PALM2AKAP2: variants seen among roughly 807,000 people sequenced by gnomAD.
The protein encoded by PALM2AKAP2 is PALM2 and AKAP2 fusion.
PALM2AKAP2 carries 37 observed loss-of-function variants against 71.5 expected under a neutral mutation model. The observed-to-expected ratio is 0.52, with a 90% CI of 0.40 to 0.68. The LOEUF is 0.68. Ranked by LOEUF, PALM2AKAP2 falls within the 30% of genes least tolerant of loss-of-function variation. The pLI, the probability that PALM2AKAP2 is intolerant of heterozygous loss-of-function variation, is 0.00. For synonymous variants in PALM2AKAP2, 468 were observed against 478.8 expected, an observed-to-expected ratio of 0.98 and a Z score of 0.29; for missense variants, 1,224 against 1,191.8, an observed-to-expected ratio of 1.03 and a Z score of -0.40.
intron 6 of PALM2AKAP2, among the ~76,000 whole-genome samples, chr9:109,980,340 T>C (rs901900587): frequency 1.3e-5 from 2 of 152,152 alleles, no homozygotes; most frequent in Non-Finnish European, 2.9e-5. Flanking sequence ...GACCTCCAAA[T>C]GCATCCTAAA....
intron 7 of PALM2AKAP2, among the ~76,000 whole-genome samples, chr9:110,034,838 C>T (rs186072231): frequency 1.0e-3 from 151 of 151,386 alleles, no homozygotes; most frequent in Middle Eastern, 3.4e-3. Context: ...CTCCTGACCT[C>T]GTGAACTGCC....
chr9:109,871,580 A>G (rs1279868977), intron 2 of PALM2AKAP2, among the ~76,000 whole-genome samples: 3 of 152,184 alleles, frequency 2.0e-5, no homozygotes, highest in Admixed American at 1.3e-4. Flanking sequence ...TACCATTCAG[A>G]TAGAACCCAT....
At position 109,998,078 on chromosome 9, in the gene PALM2AKAP2, G is replaced by C. The variant is rs75774065; in HGVS notation, c.497-17876G>C. Among the ~76,000 whole-genome samples the C allele has an allele frequency of 9.4e-3, 1,425 of 152,302 alleles. 23 individuals carry two copies. Among genetic ancestry groups the C allele is most frequent in the African/African-American group, 0.033 (1,374 of 41,578 alleles). ...CTGGCCAAGTCTCAATGTGATGGCT[G>C]TCTGTGCAGAGACTCTAGTGAGGAA... On this transcript the variant is annotated intron_variant, in intron 6 of 9. Coordinates refer to the PALM2AKAP2 transcript ENST00000302798.
intron 2 of PALM2AKAP2, among the ~76,000 whole-genome samples, chr9:109,867,891 T>C (rs556072038): frequency 6.6e-6 from 1 of 152,208 alleles, no homozygotes; most frequent in African/African-American, 2.4e-5. Context: ...CATTTCAGGA[T>C]TGTTTCTCCC....
chr9:109,991,444 G>T (rs969830479), intron 6 of PALM2AKAP2, among the ~76,000 whole-genome samples: 4 of 151,650 alleles, frequency 2.6e-5, no homozygotes, highest in African/African-American at 9.7e-5. Context: ...TCCCTGTGTT[G>T]CCTAGGCTGG....
At chr9:110,145,332 G>A (rs564338550) in intron 2 of PALM2AKAP2, among the ~76,000 whole-genome samples, 43 of 152,144 alleles carry the variant, frequency 2.8e-4, no homozygotes, top group South Asian at 8.3e-4. Flanking sequence ...GACTAACTTA[G>A]TCCACATCAG....
chr9:109,731,149 G>C (rs1280783485), intron 1 of PALM2AKAP2, among the ~76,000 whole-genome samples: 4 of 152,204 alleles, frequency 2.6e-5, no homozygotes, highest in African/African-American at 9.6e-5. Flanking sequence ...GACACCCACT[G>C]TCTATGCTGA....
At chr9:109,907,010 A>C (rs1830460373) in intron 3 of PALM2AKAP2, among the ~76,000 whole-genome samples, 1 of 152,212 alleles carries the variant, frequency 6.6e-6, no homozygotes, top group African/African-American at 2.4e-5. Context: ...ACATTTCTGC[A>C]TCAAAGCCCC....
intron 7 of PALM2AKAP2, among the ~76,000 whole-genome samples, chr9:110,035,197 G>A (rs924839492): frequency 1.0e-4 from 14 of 138,426 alleles, no homozygotes; most frequent in African/African-American, 4.1e-4. Context: ...ATGTGTGCAT[G>A]TGTGTGTGTG....
intron 3 of PALM2AKAP2, among the ~76,000 whole-genome samples, chr9:110,159,814 C>T (rs996693507): frequency 3.9e-5 from 6 of 152,188 alleles, no homozygotes; most frequent in African/African-American, 1.2e-4. Context: ...TCCAGTTTTC[C>T]ACTTTATAAA....
intron 1 of PALM2AKAP2, among the ~76,000 whole-genome samples, chr9:109,714,995 T>C (rs1828295140): frequency 6.6e-6 from 1 of 152,096 alleles, no homozygotes; most frequent in Admixed American, 6.5e-5. Flanking sequence ...CAGCCAATAA[T>C]CTCCCTGTGC....
Position 110,002,255 on chromosome 9 carries a change from G to C in PALM2AKAP2, c.497-13699G>C, listed in dbSNP as rs533076855. On this transcript the variant is annotated intron_variant, in intron 6 of 9. Coordinates refer to the PALM2AKAP2 transcript ENST00000302798. Reference sequence around the variant, plus strand: ...TTGAATTTTGTCAAAGGCCTTTTCTGCATCTATTGAGATAATCATGTGGTT... The same window carrying C: ...TTGAATTTTGTCAAAGGCCTTTTCTCCATCTATTGAGATAATCATGTGGTT... Among the ~76,000 whole-genome samples the C allele has an allele frequency of 2.0e-3, 297 of 152,192 alleles. 3 individuals carry two copies. Among genetic ancestry groups the C allele is most frequent in the African/African-American group, 7.1e-3 (293 of 41,486 alleles).
chr9:110,071,427 A>T (rs1352689822), intron 1 of PALM2AKAP2, among the ~76,000 whole-genome samples: 1 of 152,180 alleles, frequency 6.6e-6, no homozygotes, highest in Admixed American at 6.5e-5. Flanking sequence ...ATTGGTAAAG[A>T]TCTTCTCTGA....
At position 109,849,602 on chromosome 9, in the gene PALM2AKAP2, A is replaced by G. The variant is rs138605657; in HGVS notation, c.46-17889A>G. ...GTCTCTACTAAAAAAAAGAAAATAC[A>G]AAAATTAGCCAGGCATGGTGGCGTG... On this transcript the variant is annotated intron_variant, in intron 1 of 9. Coordinates refer to the PALM2AKAP2 transcript ENST00000302798. 3.0e-3 allele frequency among the ~76,000 whole-genome samples: 462 copies of G among 152,216 alleles called. 2 individuals carry two copies. Among genetic ancestry groups the G allele is most frequent in the African/African-American group, 0.01 (434 of 41,526 alleles).
chr9:109,650,836 G>A (rs185348547), intron 1 of PALM2AKAP2, among the ~76,000 whole-genome samples: 107 of 152,236 alleles, frequency 7.0e-4, no homozygotes, highest in African/African-American at 2.4e-3. Flanking sequence ...ATGAATCAAT[G>A]AATCTTGTGT....
intron 2 of PALM2AKAP2, among the ~76,000 whole-genome samples, chr9:109,875,520 TG>T (rs1337363035): frequency 6.6e-6 from 1 of 152,088 alleles, no homozygotes; most frequent in Non-Finnish European, 1.5e-5. Context: ...AAGGAGAGGA[TG>T]GGGAGTTCTT....
intron 3 of PALM2AKAP2, among the ~76,000 whole-genome samples, chr9:109,908,398 C>G (rs1430807969): frequency 6.6e-6 from 1 of 152,214 alleles, no homozygotes; most frequent in African/African-American, 2.4e-5. Context: ...ATTCTAGGCT[C>G]TAGCTACAAG....
chr9:109,656,287 AG>A (rs1331777490), intron 1 of PALM2AKAP2, among the ~76,000 whole-genome samples: 3 of 152,134 alleles, frequency 2.0e-5, no homozygotes, highest in African/African-American at 7.2e-5. Context: ...GGGGGAGAAG[AG>A]GTCAGAGGCT....
At chr9:109,736,086 C>G (rs1828630371) in intron 1 of PALM2AKAP2, among the ~76,000 whole-genome samples, 1 of 152,186 alleles carries the variant, frequency 6.6e-6, no homozygotes, top group African/African-American at 2.4e-5. Flanking sequence ...TCTGGAAAAT[C>G]ACCAACCATT....
Sources: allele counts gnomAD v4.1 joint callset (sites outside exome capture counted in the v4.1 genomes callset), GRCh38; gene constraint gnomAD v4.1.1; transcripts MANE v1.5; gene names NCBI Gene and HGNC (gene_info 2026-07-23, HGNC 2026-07-21).